Variants in ARHGAP18 observed in about 807,000 individuals in gnomAD.
ARHGAP18 encodes the protein rho GTPase-activating protein 18.
A neutral mutation model predicts 86.2 loss-of-function variants in ARHGAP18; 67 were observed. The observed-to-expected ratio is 0.78, with a 90% CI of 0.64 to 0.95. The LOEUF (loss-of-function observed/expected upper bound fraction) is 0.95, where lower values mean the gene tolerates loss of function less well. Among genes scored for constraint, ARHGAP18 ranks in the 40% least tolerant of loss-of-function variants. The pLI is 0.00. For missense variants in ARHGAP18, 691 were observed against 780.4 expected (o/e 0.89, Z 1.37); for synonymous variants, 283 against 280.4 (o/e 1.01, Z -0.09).
intron 1 of ARHGAP18, among the ~76,000 whole-genome samples, chr6:129,655,116 T>C (rs564452392): frequency 3.3e-5 from 5 of 150,608 alleles, no homozygotes; most frequent in Non-Finnish European, 5.9e-5. Flanking sequence ...AGCTCAGGAG[T>C]TCGAGACCAG....
chr6:129,669,468 G>C (rs1009989258), intron 1 of ARHGAP18, among the ~76,000 whole-genome samples: 67 of 142,122 alleles, frequency 4.7e-4, no homozygotes, highest in African/African-American at 1.6e-3. Flanking sequence ...CACCGCGCCC[G>C]GCCCTAACAT....
intron 1 of ARHGAP18, among the ~76,000 whole-genome samples, chr6:129,708,828 T>C (rs1381756317): frequency 2.0e-5 from 3 of 152,224 alleles, no homozygotes; most frequent in Non-Finnish European, 4.4e-5. Context: ...CTTGATTTAA[T>C]GATTTAACAT....
chr6:129,581,880 G>A (rs1411224574), intron 13 of ARHGAP18, among the ~76,000 whole-genome samples: 12 of 152,110 alleles, frequency 7.9e-5, no homozygotes, highest in Admixed American at 4.6e-4. Flanking sequence ...CTTACTATGC[G>A]GCCCAGACAG....
chr6:129,600,774 C>T lies in ARHGAP18; in HGVS notation c.1440G>A (p.Met480Ile), dbSNP rs754390011. The T allele has an allele frequency of 6.2e-7, 1 of 1,613,632 alleles. No individual in the cohort carries two copies. Among genetic ancestry groups the T allele is most frequent in the African/African-American group, 1.3e-5 (1 of 75,006 alleles). Residue 480 changes from methionine (M) to isoleucine (I), a missense_variant, in exon 11 of 15, where the codon ATG becomes ATA. Physicochemically the swap from Met to Ile is conservative, Grantham distance 10 (BLOSUM62 1). Transcript: ENST00000368149. ...KNKMTVMNVA[M>I]VMAPNLFMCH... Reference sequence around the variant, plus strand: ...ACATAAAGAGATTCGGGGCCATGACCATTGCTACATTCATGACTGTCATTT... The same window carrying T: ...ACATAAAGAGATTCGGGGCCATGACTATTGCTACATTCATGACTGTCATTT...
At chr6:129,669,043 A>G (rs568051772) in intron 1 of ARHGAP18, among the ~76,000 whole-genome samples, 3 of 152,206 alleles carry the variant, frequency 2.0e-5, no homozygotes, top group African/African-American at 7.2e-5. Context: ...GACTGCCTCA[A>G]CTCCAGAGAA....
intron 1 of ARHGAP18, among the ~76,000 whole-genome samples, chr6:129,646,511 T>C (rs1773582225): frequency 6.6e-6 from 1 of 152,190 alleles, no homozygotes; most frequent in Non-Finnish European, 1.5e-5. Context: ...TTGGCTTATG[T>C]AGGCGATATC....
intron 1 of ARHGAP18, among the ~76,000 whole-genome samples, chr6:129,669,995 T>C (rs2114526946): frequency 6.6e-6 from 1 of 152,342 alleles, no homozygotes; most frequent in Middle Eastern, 3.4e-3. Context: ...CTATAATCCC[T>C]GTTACACATT....
intron 1 of ARHGAP18, among the ~76,000 whole-genome samples, chr6:129,699,322 G>A (rs1774674255): frequency 6.6e-6 from 1 of 152,124 alleles, no homozygotes; most frequent in African/African-American, 2.4e-5. Context: ...CATATTTATT[G>A]GAGTATACAA....
chr6:129,703,992 T>G (rs1774762707), intron 1 of ARHGAP18, among the ~76,000 whole-genome samples: 2 of 53,690 alleles, frequency 3.7e-5, no homozygotes, highest in Non-Finnish European at 9.1e-5. Context: ...ATATATATGA[T>G]CAGGTAATAA....
intron 5 of ARHGAP18, 120 bp downstream of exon 5, chr6:129,629,233 G>GTC (rs376556800): frequency 0.011 from 7,474 of 693,778 alleles, 203 homozygotes; most frequent in African/African-American, 0.093. Context: ...CTGTCTGTCT[G>GTC]TCTCTCTCTC....
chr6:129,655,317 CA>C (rs55681217), intron 1 of ARHGAP18, among the ~76,000 whole-genome samples: 13,915 of 74,816 alleles, frequency 0.19, 844 homozygotes, highest in Middle Eastern at 0.3. Context: ...AAAACTCTCT[CA>C]AAAAAAAAAA....
chr6:129,625,744 T>TATATATTATATATATTA (rs1789424021), intron 5 of ARHGAP18, among the ~76,000 whole-genome samples: 1 of 43,308 alleles, frequency 2.3e-5, no homozygotes, highest in African/African-American at 7.7e-5. Context: ...ATTATATATT[T>TATATATTATATATATTA]ATATATTATA....
At chr6:129,673,300 T>C (rs554545508) in intron 1 of ARHGAP18, among the ~76,000 whole-genome samples, 34 of 149,340 alleles carry the variant, frequency 2.3e-4, no homozygotes, top group Admixed American at 6.7e-4. Context: ...CATTTTTTTT[T>C]CCCCAAGTCA....
intron 12 of ARHGAP18, among the ~76,000 whole-genome samples, chr6:129,598,226 T>G (rs1199955551): frequency 2.0e-5 from 3 of 152,170 alleles, no homozygotes; most frequent in Non-Finnish European, 4.4e-5. Flanking sequence ...AATAAGCATA[T>G]TTACAACTTC....
chr6:129,594,116 C>T (rs1788570056), intron 12 of ARHGAP18, among the ~76,000 whole-genome samples: 1 of 152,126 alleles, frequency 6.6e-6, no homozygotes, highest in African/African-American at 2.4e-5. Flanking sequence ...GAGTCAAAGC[C>T]TCTTAAAAAT....
intron 13 of ARHGAP18, among the ~76,000 whole-genome samples, chr6:129,581,334 C>T (rs1471814181): frequency 6.6e-6 from 1 of 152,154 alleles, no homozygotes; most frequent in Non-Finnish European, 1.5e-5. Context: ...CTATGTTCCA[C>T]CTGCTGCACT....
At chr6:129,604,754 C>T (rs1788818617) in intron 10 of ARHGAP18, among the ~76,000 whole-genome samples, 1 of 152,180 alleles carries the variant, frequency 6.6e-6, no homozygotes, top group Non-Finnish European at 1.5e-5. Context: ...ATTCATTTGA[C>T]AACCAGTGAA....
chr6:129,600,929 T>A, intron 10 of ARHGAP18, 81 bp from the exon 11 acceptor site: 1 of 1,262,414 alleles, frequency 7.9e-7, no homozygotes. Flanking sequence ...GCAATTTTTA[T>A]TTCATTGAAA....
At chr6:129,613,672 C>T (rs1037459953) in intron 7 of ARHGAP18, among the ~76,000 whole-genome samples, 19 of 152,110 alleles carry the variant, frequency 1.2e-4, no homozygotes, top group African/African-American at 2.2e-4. Flanking sequence ...GTACATATAT[C>T]GTCAGAAGGA....
Sources: gnomAD v4.1 joint callset for allele counts (sites outside exome capture counted in the v4.1 genomes callset) on GRCh38, gnomAD v4.1.1 for gene constraint, MANE v1.5 for transcripts, NCBI Gene and HGNC (gene_info 2026-07-23, HGNC 2026-07-21) for gene names.